NALF1: variants seen among roughly 807,000 people sequenced by gnomAD.
The protein encoded by NALF1 is NALCN channel auxiliary factor 1, also known as family with sequence similarity 155 member A.
Under a neutral mutation model 48.4 loss-of-function variants are expected in NALF1, and 3 were observed. The observed-to-expected ratio is 0.06, with a 90% confidence interval of 0.03 to 0.16. NALF1 has a LOEUF of 0.16. Ranked by LOEUF, NALF1 falls within the 10% of genes least tolerant of loss-of-function variation. The probability of loss-of-function intolerance (pLI) is 1.00; values close to 1 mark genes in which losing one functional copy is unlikely to be tolerated. For missense variants in NALF1, 526 were observed against 571.5 expected, an observed-to-expected ratio of 0.92 and a Z score of 0.81; for synonymous variants, 262 against 245.7, an observed-to-expected ratio of 1.07 and a Z score of -0.62.
At chr13:107,856,486 T>C (rs1880443025) in intron 1 of NALF1, among the ~76,000 whole-genome samples, 1 of 152,148 alleles carries the variant, frequency 6.6e-6, no homozygotes, top group Non-Finnish European at 1.5e-5. Context: ...TATTCATTAG[T>C]TTCACTTCCT....
intron 1 of NALF1, among the ~76,000 whole-genome samples, chr13:107,261,829 C>G: frequency 6.6e-6 from 1 of 152,062 alleles, no homozygotes; most frequent in Admixed American, 6.6e-5. Context: ...CATTATCAAA[C>G]TAATAAAATA....
intron 1 of NALF1, among the ~76,000 whole-genome samples, chr13:107,728,565 G>A (rs1021870246): frequency 2.0e-5 from 3 of 151,642 alleles, no homozygotes; most frequent in African/African-American, 7.3e-5. Flanking sequence ...ACAGCATTAG[G>A]ACAAATACCT....
chr13:107,602,101 C>T (rs1332400354), intron 1 of NALF1, among the ~76,000 whole-genome samples: 1 of 152,178 alleles, frequency 6.6e-6, no homozygotes, highest in Non-Finnish European at 1.5e-5. Context: ...GTTCTAACTT[C>T]AGCTTTTCAA....
chr13:107,392,116 A>G (rs532466927), intron 1 of NALF1, among the ~76,000 whole-genome samples: 44 of 152,204 alleles, frequency 2.9e-4, no homozygotes, highest in African/African-American at 1.1e-3. Context: ...TCTTATCCTC[A>G]AATTGTCTTC....
intron 1 of NALF1, among the ~76,000 whole-genome samples, chr13:107,743,086 C>T (rs967118086): frequency 6.6e-6 from 1 of 152,124 alleles, no homozygotes; most frequent in Admixed American, 6.5e-5. Flanking sequence ...AGTACTTTGA[C>T]AGGGAGTGCC....
intron 1 of NALF1, among the ~76,000 whole-genome samples, chr13:107,810,939 A>C (rs1167377321): frequency 6.6e-6 from 1 of 152,120 alleles, no homozygotes; most frequent in Non-Finnish European, 1.5e-5. Context: ...ACAATTCTCC[A>C]CTTATATGTG....
chr13:107,656,136 CA>C (rs200501399), intron 1 of NALF1, among the ~76,000 whole-genome samples: 6,659 of 122,370 alleles, frequency 0.054, 175 homozygotes, highest in Middle Eastern at 0.084. Context: ...AAGGCAAATG[CA>C]AAAAAAAAAA....
chr13:107,647,451 CTA>C (rs1167875402), intron 1 of NALF1, among the ~76,000 whole-genome samples: 5 of 149,310 alleles, frequency 3.3e-5, no homozygotes, highest in Non-Finnish European at 7.4e-5. Flanking sequence ...GCATGGTGTA[CTA>C]TGTTTTATCG....
intron 2 of NALF1, among the ~76,000 whole-genome samples, chr13:107,181,355 A>C (rs1378892648): frequency 6.6e-6 from 1 of 151,554 alleles, no homozygotes; most frequent in African/African-American, 2.4e-5. Flanking sequence ...ATTCTTAAAA[A>C]TAAAACACTT....
At chr13:107,243,063 T>C (rs900406753) in intron 1 of NALF1, among the ~76,000 whole-genome samples, 1 of 152,076 alleles carries the variant, frequency 6.6e-6, no homozygotes, top group African/African-American at 2.4e-5. Context: ...CCAAATGCCA[T>C]CGTTCCTTCT....
intron 1 of NALF1, among the ~76,000 whole-genome samples, chr13:107,223,664 G>T (rs976562046): frequency 6.6e-6 from 1 of 152,066 alleles, no homozygotes; most frequent in African/African-American, 2.4e-5. Context: ...TTTCTCGTTG[G>T]GTGCTCCCTG....
At chr13:107,790,516 A>C (rs1878199917) in intron 1 of NALF1, among the ~76,000 whole-genome samples, 1 of 152,196 alleles carries the variant, frequency 6.6e-6, no homozygotes, top group Non-Finnish European at 1.5e-5. Flanking sequence ...AGTTTTACTG[A>C]TGATGATGAA....
intron 1 of NALF1, among the ~76,000 whole-genome samples, chr13:107,453,496 C>T (rs567186927): frequency 6.6e-6 from 1 of 152,198 alleles, no homozygotes. Flanking sequence ...CACAGGGCAT[C>T]AAGTCCCAAG....
intron 1 of NALF1, among the ~76,000 whole-genome samples, chr13:107,594,154 A>G (rs576197294): frequency 6.6e-6 from 1 of 152,172 alleles, no homozygotes; most frequent in African/African-American, 2.4e-5. Flanking sequence ...GAAATTGAGC[A>G]GAAAGTGGGC....
intron 1 of NALF1, among the ~76,000 whole-genome samples, chr13:107,298,851 T>G (rs971205720): frequency 6.6e-6 from 1 of 152,196 alleles, no homozygotes; most frequent in African/African-American, 2.4e-5. Context: ...TGATAACAAC[T>G]TACATAACTA....
At chr13:107,445,158 C>A (rs982430506) in intron 1 of NALF1, among the ~76,000 whole-genome samples, 2 of 152,124 alleles carry the variant, frequency 1.3e-5, no homozygotes, top group African/African-American at 4.8e-5. Flanking sequence ...GCAATTCCAT[C>A]ACTTGTGTAG....
At chr13:107,460,142 C>T (rs960056588) in intron 1 of NALF1, among the ~76,000 whole-genome samples, 1 of 152,188 alleles carries the variant, frequency 6.6e-6, no homozygotes, top group Non-Finnish European at 1.5e-5. Flanking sequence ...ATGAATACTT[C>T]TTTATATCTC....
rs146086968 is a variant in NALF1 at position 107,673,634 on chromosome 13, C to T, written c.915+192048G>A. Among the ~76,000 whole-genome samples, 379 of 152,202 alleles carry T rather than the reference C, an allele frequency of 2.5e-3. 1 individual carries two copies. Among genetic ancestry groups the T allele is most frequent in the African/African-American group, 8.4e-3 (348 of 41,532 alleles). On this transcript the variant is annotated intron_variant, in intron 1 of 2. Coordinates refer to ENST00000375915, the MANE Select transcript of NALF1 (RefSeq NM_001080396.3). ...TATGTTCTACAGCACTGTAGGGTGA[C>T]TATAGCTAGCAATAATATCTAGTTT...
intron 1 of NALF1, among the ~76,000 whole-genome samples, chr13:107,812,461 C>A (rs939699364): frequency 1.3e-5 from 2 of 151,992 alleles, no homozygotes; most frequent in Admixed American, 6.6e-5. Context: ...CATATTTTAT[C>A]TTAGGTCTAC....
Sources: allele counts gnomAD v4.1 joint callset (sites outside exome capture counted in the v4.1 genomes callset), GRCh38; gene constraint gnomAD v4.1.1; transcripts MANE v1.5; gene names NCBI Gene and HGNC (gene_info 2026-07-23, HGNC 2026-07-21).